FAF2: variants seen among roughly 807,000 people sequenced by gnomAD.
The protein encoded by FAF2 is Fas associated factor family member 2.
FAF2 carries 9 observed loss-of-function variants against 62.3 expected under a neutral mutation model. That is an observed-to-expected ratio of 0.14 (90% confidence interval 0.09 to 0.25). FAF2 has a LOEUF of 0.25. FAF2 is among the 10% of genes least tolerant of loss of function. The pLI is 1.00. For missense variants in FAF2, 368 were observed against 556.2 expected (o/e 0.66, Z 3.40); for synonymous variants, 202 against 198.0 (o/e 1.02, Z -0.17).
chr5:176,477,983 A>C (rs1758732268), intron 1 of FAF2, among the ~76,000 whole-genome samples: 1 of 152,180 alleles, frequency 6.6e-6, no homozygotes, highest in Non-Finnish European at 1.5e-5. Context: ...CTGTCCCTCC[A>C]ACATAGTAAG....
At chr5:176,498,864 A>T in intron 8 of FAF2, 50 bp from the exon 9 acceptor site, 1 of 1,466,762 alleles carries the variant, frequency 6.8e-7, no homozygotes, top group East Asian at 2.3e-5. Context: ...GAAAACACAG[A>T]ACTTTGTGAG....
chr5:176,458,305 C>G (rs1758312283), intron 1 of FAF2, among the ~76,000 whole-genome samples: 1 of 151,362 alleles, frequency 6.6e-6, no homozygotes, highest in Non-Finnish European at 1.5e-5. Context: ...TGGTATTGAA[C>G]TCCTGGCCTT....
rs60608969 is a variant in FAF2 at position 176,461,312 on chromosome 5, C to CTTTTT, written c.63+12862_63+12866dup. ...TACAGGTGTGAGCCACTGTGCCCAGCTTTTTTTTTTTTTTTTTTTTTTTTG... is the reference window on the plus strand; with the variant it reads ...TACAGGTGTGAGCCACTGTGCCCAGCTTTTTTTTTTTTTTTTTTTTTTTTTTTTTG... On this transcript the variant is annotated intron_variant, in intron 1 of 10. Transcript: ENST00000261942. Among the ~76,000 whole-genome samples the CTTTTT allele has an allele frequency of 1.2e-3, 87 of 70,728 alleles. 3 individuals carry two copies. The highest frequency in any genetic ancestry group is 2.4e-3 in the African/African-American group (41 of 16,988). The allele number at this position is 70,728 out of a possible 152,430, so 46.4% of individuals were successfully genotyped here.
intron 1 of FAF2, among the ~76,000 whole-genome samples, chr5:176,457,264 C>G (rs1758292853): frequency 6.6e-6 from 1 of 152,164 alleles, no homozygotes; most frequent in Non-Finnish European, 1.5e-5. Context: ...CCTTGGCTCA[C>G]TACAACCTTT....
At chr5:176,476,794 T>C (rs1003609516) in intron 1 of FAF2, among the ~76,000 whole-genome samples, 5 of 147,112 alleles carry the variant, frequency 3.4e-5, no homozygotes, top group African/African-American at 1.3e-4. Context: ...AGCACCACCA[T>C]GCTGAACTAA....
intron 4 of FAF2, among the ~76,000 whole-genome samples, chr5:176,491,134 C>T (rs370436233): frequency 2.0e-5 from 3 of 152,218 alleles, no homozygotes; most frequent in East Asian, 1.9e-4. Context: ...GTGCTGAAAA[C>T]GTTTTAAGTA....
chr5:176,475,839 G>A (rs1758679742), intron 1 of FAF2, among the ~76,000 whole-genome samples: 1 of 152,066 alleles, frequency 6.6e-6, no homozygotes, highest in Non-Finnish European at 1.5e-5. Context: ...AATCAGCTGA[G>A]GAGCTTTAAG....
At chr5:176,480,806 G>C (rs1363874675) in intron 2 of FAF2, among the ~76,000 whole-genome samples, 1 of 149,206 alleles carries the variant, frequency 6.7e-6, no homozygotes, top group Admixed American at 6.7e-5. Context: ...CTCGGGGGGT[G>C]GGGGGCTGGG....
At chr5:176,493,943 A>C in intron 5 of FAF2, 56 bp from the exon 6 acceptor site, 4 of 1,214,234 alleles carry the variant, frequency 3.3e-6, no homozygotes, top group Middle Eastern at 3.9e-4. Flanking sequence ...CCTTAGCTTA[A>C]ATATAAGCTC....
chr5:176,476,309 G>A (rs1320389584), intron 1 of FAF2, among the ~76,000 whole-genome samples: 1 of 152,102 alleles, frequency 6.6e-6, no homozygotes, highest in Non-Finnish European at 1.5e-5. Context: ...AATGTAAAGT[G>A]AGATTTTGTG....
intron 1 of FAF2, among the ~76,000 whole-genome samples, chr5:176,462,973 C>T (rs1044443180): frequency 5.3e-5 from 8 of 152,112 alleles, no homozygotes; most frequent in African/African-American, 1.9e-4. Context: ...CTTGAAACAA[C>T]GTTTCTGCTT....
At chr5:176,487,685 C>T (rs1432828513) in intron 3 of FAF2, among the ~76,000 whole-genome samples, 1 of 152,080 alleles carries the variant, frequency 6.6e-6, no homozygotes, top group Non-Finnish European at 1.5e-5. Context: ...TAATTAATAA[C>T]AGCAATAATA....
chr5:176,486,363 A>G lies in FAF2; in HGVS notation c.141A>G (p.Val47=), dbSNP rs750729648. 2 of 1,614,150 alleles carry G rather than the reference A, an allele frequency of 1.2e-6. No homozygotes were observed. The highest frequency in any genetic ancestry group is 1.7e-6 in the Non-Finnish European group (2 of 1,180,018). ...TCCGTTTTCCTTCTCAGGCTGCTGTACAGGACAGATTGAATGAGCAAGAGG... is the reference window on the plus strand; with the variant it reads ...TCCGTTTTCCTTCTCAGGCTGCTGTGCAGGACAGATTGAATGAGCAAGAGG... The part of the protein sequence containing the change: ...EQHNWNIEAA[V]QDRLNEQEGV... Residue 47 remains valine (V), a synonymous_variant, in exon 3 of 11, where the codon GTA becomes GTG. Coordinates refer to ENST00000261942, the MANE Select transcript of FAF2 (RefSeq NM_014613.3).
intron 1 of FAF2, among the ~76,000 whole-genome samples, chr5:176,451,892 A>ATATT (rs1561813667): frequency 1.4e-4 from 3 of 21,680 alleles, no homozygotes; most frequent in African/African-American, 2.1e-4. Context: ...ATATATATAT[A>ATATT]TTTTTTTTTT....
chr5:176,495,081 G>A (rs1759038654), intron 7 of FAF2, among the ~76,000 whole-genome samples: 1 of 152,144 alleles, frequency 6.6e-6, no homozygotes, highest in African/African-American at 2.4e-5. Flanking sequence ...ATATGGATTT[G>A]GAAAGTTCAG....
At chr5:176,456,139 T>C (rs1459144738) in intron 1 of FAF2, among the ~76,000 whole-genome samples, 1 of 152,128 alleles carries the variant, frequency 6.6e-6, no homozygotes, top group Non-Finnish European at 1.5e-5. Flanking sequence ...TGGTGTGATC[T>C]CAGCTCACTG....
intron 1 of FAF2, among the ~76,000 whole-genome samples, chr5:176,477,304 C>CA (rs1314837783): frequency 7.4e-6 from 1 of 135,772 alleles, no homozygotes; most frequent in Non-Finnish European, 1.5e-5. Flanking sequence ...CCAGGCTGGT[C>CA]TCTAACTCCT....
intron 10 of FAF2, among the ~76,000 whole-genome samples, chr5:176,501,844 C>T (rs1755597445): frequency 6.6e-6 from 1 of 152,186 alleles, no homozygotes; most frequent in Non-Finnish European, 1.5e-5. Context: ...ACCTCTGCCT[C>T]CTGGGTTCAA....
chr5:176,503,002 T>C (rs1755620905), intron 10 of FAF2, among the ~76,000 whole-genome samples: 1 of 148,980 alleles, frequency 6.7e-6, no homozygotes, highest in Non-Finnish European at 1.5e-5. Flanking sequence ...GGACCGAGAC[T>C]GCGCCATTGC....
Sources: gnomAD v4.1 joint callset for allele counts (sites outside exome capture counted in the v4.1 genomes callset) on GRCh38, gnomAD v4.1.1 for gene constraint, MANE v1.5 for transcripts, NCBI Gene and HGNC (gene_info 2026-07-23, HGNC 2026-07-21) for gene names.